ANK2: variants seen among roughly 807,000 people sequenced by gnomAD.
The protein encoded by ANK2 is ankyrin 2, also known as ankyrin-2.
Under a neutral mutation model 360.5 loss-of-function variants are expected in ANK2, and 83 were observed. That is an observed-to-expected ratio of 0.23 (90% CI 0.19 to 0.28). The LOEUF (loss-of-function observed/expected upper bound fraction) is 0.28. Ranked by LOEUF, ANK2 falls within the 10% of genes least tolerant of loss-of-function variation. The pLI, the probability that ANK2 is intolerant of heterozygous loss-of-function variation, is 1.00. For missense variants in ANK2, 4,201 were observed against 4,795.7 expected (o/e 0.88, Z 3.66); for synonymous variants, 1,740 against 1,759.5 (o/e 0.99, Z 0.28).
chr4:113,340,233 G>A (rs1424856194), intron 32 of ANK2, among the ~76,000 whole-genome samples: 1 of 152,166 alleles, frequency 6.6e-6, no homozygotes, highest in Admixed American at 6.5e-5. Flanking sequence ...TGTTCGAATT[G>A]GGATAGCTAG....
At position 113,355,317 on chromosome 4, in the gene ANK2, T is replaced by A; in HGVS notation, c.6699T>A (p.His2233Gln). 6.2e-7 allele frequency: 1 copy of A among 1,613,968 alleles called. No individual in the cohort carries two copies. The highest frequency in any genetic ancestry group is 8.5e-7 in the Non-Finnish European group (1 of 1,179,960). ...PQISSEESYK[H>Q]EGLAETPETS... The stretch of plus-strand genomic sequence containing the variant: ...TTAGTTCAGAAGAAAGCTATAAGCA[T>A]GAAGGCCTAGCAGAGACCCCTGAGA... Residue 2233 changes from histidine to glutamine, a missense_variant, in exon 38 of 46, where the codon CAT becomes CAA. This residue lies in a region of ANK2 where 2,642 missense variants were observed against 2,714.5 expected (regional missense o/e 0.97). Transcript: ENST00000357077.
rs892734294 is a variant in ANK2, at chr4:113,003,102, A to G, written c.21+98588A>G. On this transcript the variant is annotated intron_variant, in intron 2 of 30. Transcript: ENST00000503271. ...TTAGAGACCTGTGTGTTTTATTGTA[A>G]AAGTTTGATCTCTTTGAGTATGGAA... 1.7e-4 allele frequency among the ~76,000 whole-genome samples: 26 copies of G among 152,208 alleles called. 1 individual carries two copies. The highest frequency in any genetic ancestry group is 6.5e-5 in the Admixed American group (1 of 15,282).
chr4:112,859,091 G>C (rs147672510), intron 1 of ANK2, among the ~76,000 whole-genome samples: 1 of 152,252 alleles, frequency 6.6e-6, no homozygotes, highest in East Asian at 1.9e-4. Flanking sequence ...TGAAAACCTC[G>C]CTCGGAGGCA....
chr4:112,882,037 C>G, intron 1 of ANK2: 1 of 464,936 alleles, frequency 2.2e-6, no homozygotes, highest in Non-Finnish European at 4.0e-6. Flanking sequence ...TGTGAGCCTT[C>G]TCCACTGCTC....
intron 13 of ANK2, among the ~76,000 whole-genome samples, chr4:113,261,383 G>A (rs906579435): frequency 3.9e-5 from 6 of 152,084 alleles, no homozygotes; most frequent in African/African-American, 1.2e-4. Flanking sequence ...CTTCCCATAA[G>A]AAATCAGTGG....
intron 23 of ANK2, among the ~76,000 whole-genome samples, chr4:113,305,963 T>C (rs1246448897): frequency 6.6e-6 from 1 of 152,218 alleles, no homozygotes; most frequent in African/African-American, 2.4e-5. Flanking sequence ...AGACTTTACA[T>C]TGAGATGTCC....
intron 22 of ANK2, among the ~76,000 whole-genome samples, chr4:113,296,271 A>G (rs1289138931): frequency 6.6e-6 from 1 of 152,180 alleles, no homozygotes; most frequent in Non-Finnish European, 1.5e-5. Flanking sequence ...GTGATATTCA[A>G]TATCATTTTC....
At chr4:112,979,251 CT>C in intron 2 of ANK2, among the ~76,000 whole-genome samples, 1 of 152,210 alleles carries the variant, frequency 6.6e-6, no homozygotes, top group Non-Finnish European at 1.5e-5. Context: ...GGTGTGCCGG[CT>C]GCAGCAAGGC....
At chr4:112,722,525 G>A in the ANK2 span, among the ~76,000 whole-genome samples, 5 of 152,266 alleles carry the variant, frequency 3.3e-5, no homozygotes, top group East Asian at 5.8e-4. Flanking sequence ...TAGTGTCATC[G>A]ATGATTGAAC....
rs74440440 is a variant in ANK2, at chr4:113,099,280, C to A, written c.84+49468C>A. Among the ~76,000 whole-genome samples, 615 of 151,658 alleles carry A rather than the reference C, an allele frequency of 4.1e-3. 4 individuals are homozygous for A. Among genetic ancestry groups the A allele is most frequent in the African/African-American group, 0.014 (587 of 41,408 alleles). On this transcript the variant is annotated intron_variant, in intron 1 of 45. Coordinates refer to ENST00000357077, the MANE Select transcript of ANK2 (RefSeq NM_001148.6). ...AAATGGTCAACAACAATAACAAAGA[C>A]CTCTTGGAACTAATATTGATGATAG...
the ANK2 span, among the ~76,000 whole-genome samples, chr4:112,756,835 T>C: frequency 6.6e-6 from 1 of 151,932 alleles, no homozygotes; most frequent in South Asian, 2.1e-4. Flanking sequence ...TAGCCCTACA[T>C]GGTGGTGGGC....
At chr4:113,363,208 A>G (rs2096327205) in intron 39 of ANK2, 130 bp from the exon 40 acceptor site, 1 of 883,272 alleles carries the variant, frequency 1.1e-6, no homozygotes, top group Non-Finnish European at 1.8e-6. Context: ...CACTTCTAAT[A>G]TGTAGAAATT....
the ANK2 span, among the ~76,000 whole-genome samples, chr4:112,803,072 A>G: frequency 7.9e-5 from 12 of 152,218 alleles, no homozygotes; most frequent in Admixed American, 5.2e-4. Flanking sequence ...GACACCACTG[A>G]TTTAGGAAGA....
At chr4:113,097,446 C>G (rs1405620868) in intron 1 of ANK2, among the ~76,000 whole-genome samples, 1 of 151,966 alleles carries the variant, frequency 6.6e-6, no homozygotes, top group Non-Finnish European at 1.5e-5. Flanking sequence ...GTGGTAGACT[C>G]CAGTATGCAA....
chr4:113,042,642 G>T (rs1175942869), intron 2 of ANK2, among the ~76,000 whole-genome samples: 3 of 152,100 alleles, frequency 2.0e-5, no homozygotes, highest in African/African-American at 7.2e-5. Context: ...TTTAGGCCTA[G>T]GATGGAGTCA....
chr4:112,708,744 G>C, the ANK2 span, among the ~76,000 whole-genome samples: 2 of 152,042 alleles, frequency 1.3e-5, no homozygotes, highest in African/African-American at 4.8e-5. Flanking sequence ...TCAACTTTTT[G>C]TTTTGATCAC....
At chr4:112,908,568 A>T (rs139985508) in intron 2 of ANK2, among the ~76,000 whole-genome samples, 2 of 152,178 alleles carry the variant, frequency 1.3e-5, no homozygotes, top group African/African-American at 2.4e-5. Context: ...TGAGAGTCCA[A>T]TGAAGGTTTA....
chr4:112,993,228 G>T (rs919079725), intron 2 of ANK2, among the ~76,000 whole-genome samples: 1 of 152,138 alleles, frequency 6.6e-6, no homozygotes, highest in African/African-American at 2.4e-5. Context: ...AGGCTACGGT[G>T]AGCCATGTTT....
At chr4:112,813,834 C>T (rs115195844), upstream of ANK2, among the ~76,000 whole-genome samples, 507 of 152,300 alleles carry the variant, frequency 3.3e-3, 4 homozygotes, top group Non-Finnish European at 5.7e-3. Flanking sequence ...CTGCACCCAG[C>T]CAGATTTCCC....
Sources: gnomAD v4.1 joint callset for allele counts (sites outside exome capture counted in the v4.1 genomes callset) on GRCh38, gnomAD v4.1.1 for gene constraint, gnomAD v4.1.1 regional missense constraint, MANE v1.5 for transcripts, NCBI Gene and HGNC (gene_info 2026-07-23, HGNC 2026-07-21) for gene names.